Variants in NEDD4L observed in about 807,000 individuals in gnomAD.
NEDD4L encodes E3 ubiquitin-protein ligase NEDD4-like.
Under a neutral mutation model 148.9 loss-of-function variants are expected in NEDD4L, and 54 were observed. The observed-to-expected ratio is 0.36, with a 90% confidence interval of 0.29 to 0.45. The LOEUF is 0.45. NEDD4L is among the 20% of genes least tolerant of loss of function. The probability of loss-of-function intolerance (pLI) is 1.00; values close to 1 mark genes in which losing one functional copy is unlikely to be tolerated. For synonymous variants in NEDD4L, 433 were observed against 440.7 expected (o/e 0.98, Z 0.22); for missense variants, 856 against 1,233.8 (o/e 0.69, Z 4.59).
At chr18:58,220,436 C>G (rs1486581648) in intron 2 of NEDD4L, among the ~76,000 whole-genome samples, 1 of 152,100 alleles carries the variant, frequency 6.6e-6, no homozygotes. Context: ...GGCACTGTCC[C>G]CCTGTCTCCA....
chr18:58,270,817 G>A (rs1359045196), intron 5 of NEDD4L, among the ~76,000 whole-genome samples: 1 of 151,902 alleles, frequency 6.6e-6, no homozygotes, highest in Non-Finnish European at 1.5e-5. Flanking sequence ...TGAAGTTTAG[G>A]TGTTTAGTCA....
In NEDD4L at chr18:58,329,408, G is replaced by A. The variant is rs1030719832; in HGVS notation, c.813+281G>A. Among the ~76,000 whole-genome samples, 9 of 152,178 alleles carry A rather than the reference G, an allele frequency of 5.9e-5. No individual in the cohort carries two copies. In the South Asian group the frequency reaches 1.7e-3, roughly 28 times the overall value. Reference sequence around the variant, plus strand: ...GTCTTGCTCTGTCGCCCAGGCTAGAGTGCAGTGGTGCAGTCTTGGCTCACT... The same window carrying A: ...GTCTTGCTCTGTCGCCCAGGCTAGAATGCAGTGGTGCAGTCTTGGCTCACT... On this transcript the variant is annotated intron_variant, in intron 10 of 30. Coordinates refer to ENST00000400345, the MANE Select transcript of NEDD4L (RefSeq NM_001144967.3).
intron 2 of NEDD4L, chr18:58,195,256 G>T: frequency 2.3e-6 from 1 of 431,506 alleles, no homozygotes; most frequent in Non-Finnish European, 4.0e-6. Context: ...CAAGTTGGCT[G>T]TTATCATAAC....
intron 1 of NEDD4L, chr18:58,054,813 G>A (rs2082024358): frequency 1.3e-5 from 2 of 152,156 alleles, no homozygotes; most frequent in African/African-American, 4.8e-5. Flanking sequence ...CATCTACAGG[G>A]AGCTGAACTT....
chr18:58,310,736 T>C (rs1181643661), intron 5 of NEDD4L, among the ~76,000 whole-genome samples: 5 of 152,246 alleles, frequency 3.3e-5, no homozygotes, highest in African/African-American at 1.2e-4. Flanking sequence ...CTTCCTTTTC[T>C]CTGTAATGCC....
intron 1 of NEDD4L, among the ~76,000 whole-genome samples, chr18:58,080,950 G>A (rs750304828): frequency 1.3e-5 from 2 of 152,092 alleles, no homozygotes; most frequent in Non-Finnish European, 2.9e-5. Flanking sequence ...GGGCTGGGGG[G>A]TATGAAATGT....
At chr18:58,362,077 A>G (rs906586328) in intron 19 of NEDD4L, among the ~76,000 whole-genome samples, 45 of 152,228 alleles carry the variant, frequency 3.0e-4, no homozygotes, top group Admixed American at 2.9e-3. Flanking sequence ...GCTTTCACGC[A>G]TCATTCCCCA....
intron 5 of NEDD4L, among the ~76,000 whole-genome samples, chr18:58,260,973 A>G (rs2049289105): frequency 6.6e-6 from 1 of 152,216 alleles, no homozygotes; most frequent in South Asian, 2.1e-4. Flanking sequence ...TTTAAATGAA[A>G]GTGTCCATGG....
intron 2 of NEDD4L, among the ~76,000 whole-genome samples, chr18:58,209,760 G>A (rs961751692): frequency 6.6e-6 from 1 of 152,020 alleles, no homozygotes; most frequent in African/African-American, 2.4e-5. Context: ...GAGATGATAA[G>A]ATTTAAAAGT....
chr18:58,153,737 C>T (rs138096253), intron 1 of NEDD4L, among the ~76,000 whole-genome samples: 1,577 of 152,096 alleles, frequency 0.01, 28 homozygotes, highest in African/African-American at 0.036. Context: ...AGCTCTGCCT[C>T]ATGGGTTCAC....
At chr18:58,279,841 A>T (rs1344228863) in intron 5 of NEDD4L, among the ~76,000 whole-genome samples, 1 of 152,212 alleles carries the variant, frequency 6.6e-6, no homozygotes, top group Non-Finnish European at 1.5e-5. Flanking sequence ...TACATTAGAC[A>T]CAAGTTTCTA....
rs529038714 is a variant in NEDD4L, at chr18:58,250,390, T to C, written c.243+1453T>C. On this transcript the variant is annotated intron_variant, in intron 4 of 30. Coordinates refer to ENST00000400345, the MANE Select transcript of NEDD4L (RefSeq NM_001144967.3). ...GTCTCACTCTCCTGACCTCGTGATC[T>C]GCCCGCCTTGGCCTCCCAAAGTTCT... Among the ~76,000 whole-genome samples, 34 of 152,310 alleles carry C rather than the reference T, an allele frequency of 2.2e-4. No individual in the cohort carries two copies. In the South Asian group the frequency reaches 6.2e-3, roughly 28 times the overall value.
At chr18:58,303,265 A>G (rs761637404) in intron 5 of NEDD4L, among the ~76,000 whole-genome samples, 3 of 152,194 alleles carry the variant, frequency 2.0e-5, no homozygotes, top group Non-Finnish European at 4.4e-5. Flanking sequence ...GTTGGTGCCT[A>G]GGATGCTCAT....
intron 2 of NEDD4L, among the ~76,000 whole-genome samples, chr18:58,234,045 T>G (rs945553887): frequency 8.5e-6 from 1 of 117,876 alleles, no homozygotes; most frequent in East Asian, 2.6e-4. Flanking sequence ...ATTTCTTTCC[T>G]TTTCTTTCTT....
chr18:58,191,494 G>T (rs1237585556), intron 2 of NEDD4L, among the ~76,000 whole-genome samples: 1 of 152,178 alleles, frequency 6.6e-6, no homozygotes, highest in African/African-American at 2.4e-5. Flanking sequence ...GGTTTTGCAG[G>T]TAAGTTCCCT....
chr18:58,239,885 C>G (rs1419680358), intron 2 of NEDD4L, among the ~76,000 whole-genome samples: 1 of 152,156 alleles, frequency 6.6e-6, no homozygotes, highest in Non-Finnish European at 1.5e-5. Context: ...AGCAGAGGCC[C>G]AGAAGAGAGA....
intron 2 of NEDD4L, among the ~76,000 whole-genome samples, chr18:58,186,531 T>C (rs552465489): frequency 6.6e-6 from 1 of 152,330 alleles, no homozygotes; most frequent in South Asian, 2.1e-4. Flanking sequence ...CTATTCTGAT[T>C]GGCATTTTAT....
At chr18:58,317,569 A>G (rs1254704727) in intron 6 of NEDD4L, among the ~76,000 whole-genome samples, 1 of 152,230 alleles carries the variant, frequency 6.6e-6, no homozygotes, top group African/African-American at 2.4e-5. Context: ...CCTTGCTCTG[A>G]CAAGCTCTTT....
chr18:58,134,354 A>ATTTT (rs2032562525), intron 1 of NEDD4L, among the ~76,000 whole-genome samples: 1 of 16,950 alleles, frequency 5.9e-5, no homozygotes, highest in African/African-American at 4.8e-4. Flanking sequence ...AAGCAATTCC[A>ATTTT]TTTCTTTTTT....
Sources: allele counts gnomAD v4.1 joint callset (sites outside exome capture counted in the v4.1 genomes callset), GRCh38; gene constraint gnomAD v4.1.1; transcripts MANE v1.5; gene names NCBI Gene and HGNC (gene_info 2026-07-23, HGNC 2026-07-21).